The following MED8 variants were observed in gnomAD, a reference collection of about 807,000 sequenced individuals.
MED8 encodes mediator complex subunit 8.
MED8 carries 22 observed loss-of-function variants against 34.8 expected under a neutral mutation model. That is an observed-to-expected ratio of 0.63 (90% confidence interval 0.45 to 0.90). The LOEUF is 0.90. Ranked by LOEUF, MED8 falls within the 40% of genes least tolerant of loss-of-function variation. MED8 has a pLI of 0.00. For synonymous variants in MED8, 105 were observed against 120.2 expected, an observed-to-expected ratio of 0.87 and a Z score of 0.83; for missense variants, 260 against 326.3, an observed-to-expected ratio of 0.80 and a Z score of 1.57.
rs1252720400 is a variant in MED8 at position 43,386,557 on chromosome 1, CCTT to C, written c.493+29_493+31del. The stretch of plus-strand genomic sequence containing the variant: ...CATTCCAGTGATCTTATATACCTCT[CCTT>C]CTCTGTTTAGCCACCAGTCCCATCA... On this transcript the variant is annotated intron_variant, in intron 5 of 6. Coordinates refer to ENST00000372457, the MANE Select transcript of MED8 (RefSeq NM_201542.5). The surrounding 1 kb of genome is among the most constrained non-coding windows in gnomAD (Gnocchi z 4.9). 6.3e-7 allele frequency: 1 copy of C among 1,591,292 alleles called. No homozygotes were observed. Among genetic ancestry groups the C allele is most frequent in the Admixed American group, 1.8e-5 (1 of 57,102 alleles).
At position 43,384,730 on chromosome 1, in the gene MED8, G is replaced by A. The variant is rs1276085621; in HGVS notation, c.*312C>T. The A allele has an allele frequency of 7.0e-7, 1 of 1,436,362 alleles. No individual in the cohort carries two copies. The highest frequency in any genetic ancestry group is 9.1e-7 in the Non-Finnish European group (1 of 1,099,072). The allele number at this position is 1,436,362 out of a possible 1,614,324, so 89.0% of individuals were successfully genotyped here. ...AGGGTGGTGGGGAGAAGGATCTGTAGAAACTATCATTTATTGAATACCCAT... is the reference window on the plus strand; with the variant it reads ...AGGGTGGTGGGGAGAAGGATCTGTAAAAACTATCATTTATTGAATACCCAT... On this transcript the variant is annotated 3_prime_UTR_variant, in exon 7 of 7. Coordinates refer to ENST00000372457, the MANE Select transcript of MED8 (RefSeq NM_201542.5).
In MED8 at chr1:43,389,761, G is replaced by A. The variant is rs375169500; in HGVS notation, c.4C>T (p.Gln2Ter). M[Q>*]REEKQLEASL... ...AGTACGCCCAACGCAACTCTCACCT[G>A]CATTGCGGCGGCCGAGGCGGCTGCC... is the stretch of plus-strand genomic sequence containing the variant. Residue 2 changes from glutamine to a stop codon, truncating the protein, a stop_gained and splice_region_variant, in exon 1 of 7, where the codon CAG (glutamine) becomes TAG (stop). Coordinates refer to ENST00000372457, the MANE Select transcript of MED8 (RefSeq NM_201542.5). LOFTEE classifies it high-confidence loss of function. The A allele has an allele frequency of 5.0e-6, 8 of 1,608,702 alleles. No individual in the cohort carries two copies. The highest frequency in any genetic ancestry group is 1.7e-4 in the Middle Eastern group (1 of 6,054).
rs1296130106 is a variant in MED8 at position 43,386,500 on chromosome 1, C to T, written c.493+89G>A. On this transcript the variant is annotated intron_variant, in intron 5 of 6. Transcript: ENST00000372457. The surrounding 1 kb of genome is among the most constrained non-coding windows in gnomAD (Gnocchi z 4.9). ...ACCCCAAAGCAGTTCACCCTTGTGT[C>T]CTAACTTCACTACTTCCAAAACAAC... 1 of 1,412,074 alleles carries T rather than the reference C, an allele frequency of 7.1e-7. No individual in the cohort carries two copies. Among genetic ancestry groups the T allele is most frequent in the Non-Finnish European group, 9.8e-7 (1 of 1,022,388 alleles). The allele number at this position is 1,412,074 out of a possible 1,614,324, so 87.5% of individuals were successfully genotyped here.
At chr1:43,385,172 G>A in intron 6 of MED8, 66 bp from the exon 7 acceptor site, 1 of 1,537,058 alleles carries the variant, frequency 6.5e-7, no homozygotes, top group Non-Finnish European at 8.8e-7. Context: ...CAGAAATGTG[G>A]TACCTCAGGT....
rs140365079 is a variant in MED8 at position 43,384,281 on chromosome 1, C to T, written c.*761G>A. 4.7e-3 allele frequency: 3,520 copies of T among 756,760 alleles called. 15 individuals are homozygous for T. The highest frequency in any genetic ancestry group is 6.2e-3 in the Non-Finnish European group (3,114 of 502,402). The allele number at this position is 756,760 out of a possible 1,614,324, so 46.9% of individuals were successfully genotyped here. A position where few individuals can be genotyped will look rare whatever the true frequency, so the allele number is the denominator to read the frequency against. On this transcript the variant is annotated 3_prime_UTR_variant, in exon 7 of 7. Transcript: ENST00000372457. ...ATGAATCCAGGGGAAGGGGCTTTTT[C>T]GTGTGCTAAGGAAAAACCCTTTCCC...
Position 43,384,970 on chromosome 1 carries a change from G to A in MED8, c.*72C>T, listed in dbSNP as rs922090644. ...CTTTTTATTGTACCCATCTAGGTGAGCCTTGAGCAAAAGGTAATTTCACTG... is the reference window on the plus strand; with the variant it reads ...CTTTTTATTGTACCCATCTAGGTGAACCTTGAGCAAAAGGTAATTTCACTG... On this transcript the variant is annotated 3_prime_UTR_variant, in exon 7 of 7. Coordinates refer to ENST00000372457, the MANE Select transcript of MED8 (RefSeq NM_201542.5). 2.4e-5 allele frequency: 37 copies of A among 1,524,528 alleles called. No individual in the cohort carries two copies. The African/African-American group carries it at 4.7e-4, about 20-fold the overall frequency. The allele number at this position is 1,524,528 out of a possible 1,614,324, so 94.4% of individuals were successfully genotyped here.
chr1:43,387,886 G>C (rs1419692475), intron 2 of MED8, among the ~76,000 whole-genome samples: 1 of 152,194 alleles, frequency 6.6e-6, no homozygotes. Flanking sequence ...AATGGGGTGA[G>C]GAACAGTGGC....
rs1647673363 is a variant in MED8, at chr1:43,384,864, G to A, written c.*178C>T. On this transcript the variant is annotated 3_prime_UTR_variant, in exon 7 of 7. Coordinates refer to ENST00000372457, the MANE Select transcript of MED8 (RefSeq NM_201542.5). ...CATTTACAAATGAGAAACAGGCTCA[G>A]AAAAATTAGGTCACTTGTCCAAGGT... 7 of 1,396,702 alleles carry A rather than the reference G, an allele frequency of 5.0e-6. No homozygotes were observed. Among genetic ancestry groups the A allele is most frequent in the African/African-American group, 1.5e-5 (1 of 68,764 alleles). 86.5% of individuals were successfully genotyped at this position (1,396,702 alleles called of 1,614,324 possible). A position where few individuals can be genotyped will look rare whatever the true frequency, so the allele number is the denominator to read the frequency against.
chr1:43,387,214 A>G (rs1261211426), intron 3 of MED8, among the ~76,000 whole-genome samples: 2 of 152,140 alleles, frequency 1.3e-5, no homozygotes, highest in Non-Finnish European at 2.9e-5. Flanking sequence ...GGGGCAAATT[A>G]AACTATCACT....
Position 43,389,744 on chromosome 1 carries a change from C to A in MED8, c.6+15G>T. 1.2e-6 allele frequency: 2 copies of A among 1,606,700 alleles called. No individual in the cohort carries two copies. The highest frequency in any genetic ancestry group is 1.7e-6 in the Non-Finnish European group (2 of 1,176,928). On this transcript the variant is annotated intron_variant, in intron 1 of 6. Transcript: ENST00000372457. The stretch of plus-strand genomic sequence containing the variant: ...GAAGCTTGCCAGCCGCTAGTACGCC[C>A]AACGCAACTCTCACCTGCATTGCGG...
chr1:43,388,281 C>T (rs771858618), intron 2 of MED8, 29 bp downstream of exon 2: 10 of 1,609,854 alleles, frequency 6.2e-6, no homozygotes, highest in Middle Eastern at 1.7e-4. Flanking sequence ...ACCCATAAGC[C>T]CTTCCTAGCT....
intron 2 of MED8, 82 bp downstream of exon 2, chr1:43,388,228 C>T: frequency 7.6e-7 from 1 of 1,319,652 alleles, no homozygotes; most frequent in Non-Finnish European, 1.1e-6. Context: ...TAAATGGTTA[C>T]ATCATTAGAA....
rs1647743184 is a variant in MED8, at chr1:43,386,659, C to G, written c.423G>C (p.Gln141His). ...GGTTTGAACACATTTTATTCAAGCT[C>G]TGGATCTGCTTCTGTAACACACAAA... ...IGADAAQKQI[Q>H]SLNKMCSNLL... Residue 141 changes from glutamine (Q) to histidine (H), a missense_variant, in exon 5 of 7, where the codon CAG (glutamine) becomes CAC (histidine). Gln to His is a conservative substitution (Grantham distance 24). Transcript: ENST00000372457. The surrounding 1 kb of genome is among the most constrained non-coding windows in gnomAD (Gnocchi z 4.9). The G allele has an allele frequency of 6.2e-7, 1 of 1,610,088 alleles. No individual in the cohort carries two copies. Among genetic ancestry groups the G allele is most frequent in the Non-Finnish European group, 8.5e-7 (1 of 1,178,176 alleles).
chr1:43,384,364 G>A lies in MED8; in HGVS notation c.*678C>T. The stretch of plus-strand genomic sequence containing the variant: ...GAAAGCCTCGTGTGTATAAGGTGGG[G>A]TAAAGGATAGGGGACTTTATGACTA... On this transcript the variant is annotated 3_prime_UTR_variant, in exon 7 of 7. Transcript: ENST00000372457. 1 of 1,482,614 alleles carries A rather than the reference G, an allele frequency of 6.7e-7. No individual in the cohort carries two copies. Among genetic ancestry groups the A allele is most frequent in the Non-Finnish European group, 9.0e-7 (1 of 1,112,448 alleles). The allele number at this position is 1,482,614 out of a possible 1,614,324, so 91.8% of individuals were successfully genotyped here.
rs747750343 is a variant in MED8, at chr1:43,385,142, G to C, written c.743-36C>G. 30 of 1,549,052 alleles carry C rather than the reference G, an allele frequency of 1.9e-5. 1 individual carries two copies. The highest frequency in any genetic ancestry group is 2.6e-5 in the Non-Finnish European group (30 of 1,146,002). On this transcript the variant is annotated intron_variant, in intron 6 of 6. Coordinates refer to ENST00000372457, the MANE Select transcript of MED8 (RefSeq NM_201542.5). ...CATTAAAAAAGTCATCTTAAGCAAG[G>C]TAAGACTTTCATGACAAATCAGAAA...
rs1298465417 is a variant in MED8 at position 43,388,326 on chromosome 1, A to T, written c.109T>A (p.Tyr37Asn). 6.2e-7 allele frequency: 1 copy of T among 1,613,192 alleles called. No individual in the cohort carries two copies. Among genetic ancestry groups the T allele is most frequent in the Non-Finnish European group, 8.5e-7 (1 of 1,179,854 alleles). Reference sequence around the variant, plus strand: ...AACTCTTACCAGGTCAGCCGGCCATACTCGTTCTCCAACTTGCAAATGAAA... The same window carrying T: ...AACTCTTACCAGGTCAGCCGGCCATTCTCGTTCTCCAACTTGCAAATGAAA... ...GSFICKLENEYGRLTWPSVLD... is the reference protein window; with the variant it reads ...GSFICKLENENGRLTWPSVLD... Residue 37 changes from tyrosine (Y) to asparagine (N), a missense_variant, in exon 2 of 7, where the codon TAT (tyrosine) becomes AAT (asparagine). Coordinates refer to ENST00000372457, the MANE Select transcript of MED8 (RefSeq NM_201542.5).
Position 43,384,560 on chromosome 1 carries a change from AAC to A in MED8, c.*480_*481del, listed in dbSNP as rs772225193. ...AAACCCAGGCAGGAGGGCCTGCAAAAACAGTGTGCCTCTAAGAACACAGAGGT... is the reference window on the plus strand; with the variant it reads ...AAACCCAGGCAGGAGGGCCTGCAAAAAGTGTGCCTCTAAGAACACAGAGGT... On this transcript the variant is annotated 3_prime_UTR_variant, in exon 7 of 7. Transcript: ENST00000372457. 4 of 1,603,438 alleles carry A rather than the reference AAC, an allele frequency of 2.5e-6. No individual in the cohort carries two copies. In the African/African-American group the frequency reaches 5.4e-5, roughly 21 times the overall value.
In MED8 at chr1:43,384,636, G is replaced by A. The variant is rs1647662806; in HGVS notation, c.*406C>T. ...AATAAGCATAGCCTTATTTGATCTT[G>A]TGTCCATCAGCTCACCATTGACGTG... On this transcript the variant is annotated 3_prime_UTR_variant, in exon 7 of 7. Coordinates refer to ENST00000372457, the MANE Select transcript of MED8 (RefSeq NM_201542.5). 1.1e-5 allele frequency: 16 copies of A among 1,497,586 alleles called. No individual in the cohort carries two copies. Among genetic ancestry groups the A allele is most frequent in the South Asian group, 1.3e-5 (1 of 74,846 alleles). 92.8% of individuals were successfully genotyped at this position (1,497,586 alleles called of 1,614,324 possible).
intron 6 of MED8, 182 bp downstream of exon 6, chr1:43,385,796 G>A: frequency 1.1e-6 from 1 of 875,090 alleles, no homozygotes; most frequent in Non-Finnish European, 1.8e-6. Context: ...CTCACTCTCT[G>A]GTGCCTGTTG....
Sources: allele counts gnomAD v4.1 joint callset (sites outside exome capture counted in the v4.1 genomes callset), GRCh38; gene constraint gnomAD v4.1.1; non-coding constraint Gnocchi (gnomAD v3.1); transcripts MANE v1.5; gene names NCBI Gene and HGNC (gene_info 2026-07-23, HGNC 2026-07-21).